The following RHPN1 variants were observed in gnomAD, a reference collection of about 807,000 sequenced individuals.
RHPN1 encodes rhophilin Rho GTPase binding protein 1, also known as rhophilin-1.
RHPN1 carries 77 observed loss-of-function variants against 74.7 expected under a neutral mutation model. The observed-to-expected ratio is 1.03, with a 90% CI of 0.86 to 1.25. The LOEUF is 1.25. Among genes scored for constraint, RHPN1 ranks in the 50% most tolerant of loss-of-function variants. The probability of loss-of-function intolerance (pLI) is 0.00; values close to 1 mark genes in which losing one functional copy is unlikely to be tolerated. For missense variants in RHPN1, 987 were observed against 932.2 expected (o/e 1.06, Z -0.77); for synonymous variants, 444 against 414.5 (o/e 1.07, Z -0.87).
intron 3 of RHPN1, among the ~76,000 whole-genome samples, chr8:143,377,055 TGTGTGCGC>T (rs1263078620): frequency 4.0e-5 from 1 of 24,896 alleles, no homozygotes. Flanking sequence ...TGTGTGTCTG[TGTGTGCGC>T]GTGTGTGTGT....
Position 143,384,129 on chromosome 8 carries a change from G to C in RHPN1, c.*1478G>C, listed in dbSNP as rs964610230. 5.3e-5 allele frequency: 8 copies of C among 152,156 alleles called. No individual in the cohort carries two copies. The highest frequency in any genetic ancestry group is 1.0e-4 in the Non-Finnish European group (7 of 68,014). 9.4% of individuals were successfully genotyped at this position (152,156 alleles called of 1,614,324 possible). On this transcript the variant is annotated 3_prime_UTR_variant, in exon 15 of 15. Transcript: ENST00000289013. ...GGGTCCAGGTCCCCCACTTGCCCTT[G>C]TGGGAAAATCCCTGTCTCAGCAGAA... is the stretch of plus-strand genomic sequence containing the variant.
chr8:143,380,656 C>T lies in RHPN1; in HGVS notation c.1284C>T (p.Arg428=), dbSNP rs541333486. 9 of 1,568,372 alleles carry T rather than the reference C, an allele frequency of 5.7e-6. No homozygotes were observed. In the Admixed American group the frequency reaches 1.1e-4, roughly 19 times the overall value. The change falls in exon 11 of 15, where the codon CGC becomes CGT. Residue 428 remains arginine, a synonymous_variant. Coordinates refer to ENST00000289013, the MANE Select transcript of RHPN1 (RefSeq NM_052924.3). The part of the protein sequence containing the change: ...EEALRLHALC[R]VLREVDLLRA... The stretch of plus-strand genomic sequence containing the variant: ...CGCTGCGGCTGCACGCCCTGTGCCG[C>T]GTCCTGCGCGAGGTGGACCTGCTTC...
chr8:143,380,249 T>A, intron 10 of RHPN1, 74 bp downstream of exon 10: 1 of 1,044,010 alleles, frequency 9.6e-7, no homozygotes, highest in Non-Finnish European at 1.4e-6. Context: ...CCCACCACCC[T>A]CATGCTGTTT....
Position 143,382,502 on chromosome 8 carries a change from A to C in RHPN1, c.1864A>C (p.Lys622Gln). The change falls in exon 15 of 15, where the codon AAG becomes CAG. Residue 622 changes from lysine to glutamine, a missense_variant. Transcript: ENST00000289013. The part of the protein sequence containing the change: ...LLRSQREHGC[K>Q]TPASTWASPR... ...AAGGAGCCAGAGGGAGCATGGTTGCAAGACCCCGGCATCCACGTGGGCCAG... is the reference window on the plus strand; with the variant it reads ...AAGGAGCCAGAGGGAGCATGGTTGCCAGACCCCGGCATCCACGTGGGCCAG... 1 of 1,607,306 alleles carries C rather than the reference A, an allele frequency of 6.2e-7. No homozygotes were observed. Among genetic ancestry groups the C allele is most frequent in the East Asian group, 2.2e-5 (1 of 44,642 alleles).
chr8:143,365,039 G>C (rs375894381), upstream of RHPN1, among the ~76,000 whole-genome samples: 1 of 152,028 alleles, frequency 6.6e-6, no homozygotes, highest in Admixed American at 6.6e-5. Context: ...CTAAATACAG[G>C]TGCAAACCCA....
chr8:143,366,529 A>ACACGCACACACGCACATATG (rs1817559199), upstream of RHPN1: 1 of 149,826 alleles, frequency 6.7e-6, no homozygotes, highest in African/African-American at 2.4e-5. Flanking sequence ...ACACACACAC[A>ACACGCACACACGCACATATG]CACGCACACA....
In RHPN1 at chr8:143,380,635, GC is replaced by G. The variant is rs1213873047; in HGVS notation, c.1264del (p.Arg422GlyfsTer18). On this transcript the variant is annotated frameshift_variant, in exon 11 of 15. Transcript: ENST00000289013. LOFTEE classifies it high-confidence loss of function. ...CCATCCTGGGGCAGGAGGAGGCGCT[GC>G]GGCTGCACGCCCTGTGCCGCGTCCT... is the stretch of plus-strand genomic sequence containing the variant. ...RAILGQEEALRLHALCRVLRE... is the reference protein window; with the variant it reads ...RAILGQEEALXLHALCRVLRE... 4 of 1,556,640 alleles carry G rather than the reference GC, an allele frequency of 2.6e-6. No individual in the cohort carries two copies. In the Admixed American group the frequency reaches 5.7e-5, roughly 22 times the overall value.
At chr8:143,380,880 C>T in intron 11 of RHPN1, 97 bp downstream of exon 11, 1 of 1,012,812 alleles carries the variant, frequency 9.9e-7, no homozygotes, top group Non-Finnish European at 1.4e-6. Flanking sequence ...AAGATGCAGT[C>T]ACCACGATGA....
chr8:143,375,760 C>T lies in RHPN1; in HGVS notation c.176+92C>T, dbSNP rs141736086. 706 of 927,978 alleles carry T rather than the reference C, an allele frequency of 7.6e-4. 2 individuals carry two copies. The highest frequency in any genetic ancestry group is 6.4e-3 in the African/African-American group (376 of 58,864). The allele number at this position is 927,978 out of a possible 1,614,324, so 57.5% of individuals were successfully genotyped here. A position where few individuals can be genotyped will look rare whatever the true frequency, so the allele number is the denominator to read the frequency against. On this transcript the variant is annotated intron_variant, in intron 2 of 14. Coordinates refer to ENST00000289013, the MANE Select transcript of RHPN1 (RefSeq NM_052924.3). The stretch of plus-strand genomic sequence containing the variant: ...CGCAGGCAGATGTCTGCCCCATGGC[C>T]GGGTCACAGAGACAGGTGCATGAGC...
upstream of RHPN1, chr8:143,367,579 G>A (rs920698033): frequency 1.3e-5 from 2 of 152,292 alleles, no homozygotes; most frequent in Non-Finnish European, 2.9e-5. Context: ...GTTGCTGGGA[G>A]GGGCCTGCTG....
rs1169626813 is a variant in RHPN1 at position 143,369,046 on chromosome 8, A to G, written c.59A>G (p.Gln20Arg). 2.0e-6 allele frequency: 3 copies of G among 1,492,792 alleles called. No individual in the cohort carries two copies. Among genetic ancestry groups the G allele is most frequent in the Admixed American group, 4.4e-5 (2 of 45,472 alleles). 92.5% of individuals were successfully genotyped at this position (1,492,792 alleles called of 1,614,324 possible). Residue 20 changes from glutamine to arginine, a missense_variant and splice_region_variant, in exon 1 of 15, where the codon CAG (glutamine) becomes CGG (arginine). By Grantham distance (43) the Gln-to-Arg change is conservative. Coordinates refer to ENST00000289013, the MANE Select transcript of RHPN1 (RefSeq NM_052924.3). ...AGAGEESPRL[Q>R]GCDSLTQIQC... Reference sequence around the variant, plus strand: ...GCCGGCGAGGAGAGCCCGCGGCTGCAGGTGCGCAGAACTGGCGCGGCGGCG... The same window carrying G: ...GCCGGCGAGGAGAGCCCGCGGCTGCGGGTGCGCAGAACTGGCGCGGCGGCG...
Position 143,381,406 on chromosome 8 carries a change from C to A in RHPN1, c.1488+62C>A, listed in dbSNP as rs1224372196. On this transcript the variant is annotated intron_variant, in intron 12 of 14. Coordinates refer to ENST00000289013, the MANE Select transcript of RHPN1 (RefSeq NM_052924.3). The stretch of plus-strand genomic sequence containing the variant: ...GCAGCTTGGGCTGTGTGGCTCTGAC[C>A]AGCACATGGCCTCAGACAGGCCATT... 1.8e-5 allele frequency: 28 copies of A among 1,516,550 alleles called. No individual in the cohort carries two copies. The Middle Eastern group carries it at 6.8e-4, about 37-fold the overall frequency. The allele number at this position is 1,516,550 out of a possible 1,614,324, so 93.9% of individuals were successfully genotyped here. A position where few individuals can be genotyped will look rare whatever the true frequency, so the allele number is the denominator to read the frequency against.
At chr8:143,376,867 T>TGC (rs1374847739) in intron 3 of RHPN1, among the ~76,000 whole-genome samples, 56 of 2,356 alleles carry the variant, frequency 0.024, no homozygotes, top group Admixed American at 0.033. Context: ...TCTCTGTGTG[T>TGC]ATATGTGTGT....
intron 1 of RHPN1, among the ~76,000 whole-genome samples, chr8:143,371,660 C>T (rs914802841): frequency 6.6e-6 from 1 of 152,210 alleles, no homozygotes; most frequent in African/African-American, 2.4e-5. Flanking sequence ...CTCTGTTCTT[C>T]GTCCCTCTCC....
chr8:143,371,454 C>T (rs1274346944), intron 1 of RHPN1, among the ~76,000 whole-genome samples: 3 of 151,894 alleles, frequency 2.0e-5, no homozygotes, highest in East Asian at 1.9e-4. Flanking sequence ...TCCCTGGGGA[C>T]TGCCTGGCCC....
upstream of RHPN1, chr8:143,366,508 A>AAC (rs10642629): frequency 0.13 from 19,920 of 148,602 alleles, 1,343 homozygotes; most frequent in African/African-American, 0.18. Context: ...ACCCCCCTCC[A>AAC]ACACACACAC....
chr8:143,380,659 C>T lies in RHPN1; in HGVS notation c.1287C>T (p.Val429=), dbSNP rs1473982198. Residue 429 remains valine, a synonymous_variant, in exon 11 of 15, where the codon GTC becomes GTT. Transcript: ENST00000289013. ...EALRLHALCR[V]LREVDLLRAV... is the part of the protein sequence containing the mutation. ...TGCGGCTGCACGCCCTGTGCCGCGT[C>T]CTGCGCGAGGTGGACCTGCTTCGGG... 2 of 1,570,500 alleles carry T rather than the reference C, an allele frequency of 1.3e-6. No homozygotes were observed. Among genetic ancestry groups the T allele is most frequent in the Admixed American group, 1.9e-5 (1 of 54,002 alleles).
upstream of RHPN1, chr8:143,366,571 A>ACACACG (rs1209528167): frequency 2.0e-5 from 3 of 151,754 alleles, no homozygotes; most frequent in Non-Finnish European, 2.9e-5. Context: ...ACGCACACGC[A>ACACACG]CACACGCACA....
At chr8:143,377,498 T>C (rs759403270) in intron 4 of RHPN1, 43 bp downstream of exon 4, 2 of 1,468,870 alleles carry the variant, frequency 1.4e-6, no homozygotes, top group South Asian at 1.2e-5. Context: ...GGCCCTGCCC[T>C]GGGACCAAGG....
Sources: gnomAD v4.1 joint callset for allele counts (sites outside exome capture counted in the v4.1 genomes callset) on GRCh38, gnomAD v4.1.1 for gene constraint, MANE v1.5 for transcripts, NCBI Gene and HGNC (gene_info 2026-07-23, HGNC 2026-07-21) for gene names.